Variants in SLC14A2 observed in about 807,000 individuals in gnomAD.
SLC14A2 encodes urea transporter 2.
A neutral mutation model predicts 104.6 loss-of-function variants in SLC14A2; 91 were observed. That is an observed-to-expected ratio of 0.87 (90% CI 0.73 to 1.04). The LOEUF (loss-of-function observed/expected upper bound fraction) is 1.04, where lower values mean the gene tolerates loss of function less well. SLC14A2 is among the 50% of genes least tolerant of loss of function. The pLI, the probability that SLC14A2 is intolerant of heterozygous loss-of-function variation, is 0.00. For missense variants in SLC14A2, 1,189 were observed against 1,156.0 expected, an observed-to-expected ratio of 1.03 and a Z score of -0.41; for synonymous variants, 476 against 466.4, an observed-to-expected ratio of 1.02 and a Z score of -0.27.
intron 2 of SLC14A2, among the ~76,000 whole-genome samples, chr18:45,532,729 A>G (rs960264915): frequency 2.0e-5 from 3 of 152,086 alleles, no homozygotes; most frequent in African/African-American, 7.3e-5. Flanking sequence ...AACTTCCAAC[A>G]CTATGTTGAA....
intron 2 of SLC14A2, among the ~76,000 whole-genome samples, chr18:45,550,600 C>G (rs188370309): frequency 6.7e-6 from 1 of 150,316 alleles, no homozygotes; most frequent in African/African-American, 2.4e-5. Flanking sequence ...ACCATTACCA[C>G]CTTCATTTTA....
chr18:45,181,973 A>C, the SLC14A2 span, among the ~76,000 whole-genome samples: 1 of 152,154 alleles, frequency 6.6e-6, no homozygotes, highest in Non-Finnish European at 1.5e-5. Context: ...ACTGGTTAAA[A>C]AGTTCCTAAA....
At chr18:45,268,603 A>G (rs956553151) in intron 1 of SLC14A2, among the ~76,000 whole-genome samples, 12 of 152,194 alleles carry the variant, frequency 7.9e-5, no homozygotes, top group Admixed American at 6.5e-5. Context: ...TGAAGTCTAA[A>G]TGTGTGGTAT....
intron 2 of SLC14A2, among the ~76,000 whole-genome samples, chr18:45,567,054 T>TTG (rs2044275844): frequency 4.2e-5 from 4 of 95,230 alleles, no homozygotes; most frequent in East Asian, 4.0e-4. Flanking sequence ...CATGTGCACA[T>TTG]AGTGTGTGTG....
At chr18:45,449,859 C>T (rs1011342955) in intron 1 of SLC14A2, among the ~76,000 whole-genome samples, 15 of 152,216 alleles carry the variant, frequency 9.9e-5, no homozygotes, top group Non-Finnish European at 1.6e-4. Flanking sequence ...TGTTTCTAGG[C>T]GACCAACAGA....
At chr18:45,233,158 G>A (rs1044271213) in intron 1 of SLC14A2, among the ~76,000 whole-genome samples, 1 of 152,162 alleles carries the variant, frequency 6.6e-6, no homozygotes, top group Non-Finnish European at 1.5e-5. Context: ...ATATCGGAGT[G>A]GTAGTGAGTT....
chr18:45,343,318 G>T (rs1363478069), intron 1 of SLC14A2, among the ~76,000 whole-genome samples: 2 of 152,032 alleles, frequency 1.3e-5, no homozygotes, highest in African/African-American at 4.8e-5. Context: ...GCTGCCTTGT[G>T]CCTGCCAGTA....
rs138053557 is a variant in SLC14A2, at chr18:45,326,848, T to A, written c.-125+113657T>A. Among the ~76,000 whole-genome samples the A allele has an allele frequency of 2.4e-4, 36 of 152,300 alleles. No individual in the cohort carries two copies. In the East Asian group the frequency reaches 5.2e-3, roughly 22 times the overall value. On this transcript the variant is annotated intron_variant, in intron 1 of 20. Coordinates refer to the SLC14A2 transcript ENST00000586448. ...GTTGAAGCCTCATGCCTAGACTGTA[T>A]TTTTTAGTCTAGATTTTAGTAGAGG...
intron 1 of SLC14A2, chr18:45,447,735 A>G (rs1379223857): frequency 1.3e-5 from 2 of 152,182 alleles, no homozygotes; most frequent in Non-Finnish European, 2.9e-5. Context: ...CTGTATTGCC[A>G]AGGAGGCCGA....
At chr18:45,353,949 G>A (rs1454020650) in intron 1 of SLC14A2, among the ~76,000 whole-genome samples, 1 of 152,090 alleles carries the variant, frequency 6.6e-6, no homozygotes, top group African/African-American at 2.4e-5. Flanking sequence ...AGATGTATGG[G>A]GACTCTTCCA....
At chr18:45,209,038 A>C (rs887985373), upstream of SLC14A2, among the ~76,000 whole-genome samples, 15 of 150,420 alleles carry the variant, frequency 1.0e-4, no homozygotes, top group African/African-American at 3.5e-4. Flanking sequence ...AAAAAAAAAA[A>C]AAACAACAAC....
chr18:45,534,026 G>T (rs1227943030), intron 2 of SLC14A2, among the ~76,000 whole-genome samples: 1 of 152,184 alleles, frequency 6.6e-6, no homozygotes, highest in Non-Finnish European at 1.5e-5. Context: ...CTTGTTTAGG[G>T]TTTAGGTTTT....
intron 2 of SLC14A2, among the ~76,000 whole-genome samples, chr18:45,600,613 G>A (rs780647301): frequency 1.3e-5 from 2 of 152,312 alleles, no homozygotes; most frequent in South Asian, 2.1e-4. Context: ...TCTGCACAGA[G>A]AGCAGCAGCA....
At chr18:45,281,136 A>G (rs2084758351) in intron 1 of SLC14A2, among the ~76,000 whole-genome samples, 4 of 152,138 alleles carry the variant, frequency 2.6e-5, no homozygotes, top group African/African-American at 9.7e-5. Flanking sequence ...TCTGTATCAC[A>G]AGCAGTCTTC....
Position 45,644,175 on chromosome 18 carries a change from T to G in SLC14A2, c.1351+15T>G, listed in dbSNP as rs747508343. 7 of 1,613,710 alleles carry G rather than the reference T, an allele frequency of 4.3e-6. No homozygotes were observed. The highest frequency in any genetic ancestry group is 5.9e-6 in the Non-Finnish European group (7 of 1,179,664). ...GGCCCCCAGCGGTGAATAGCCATGT[T>G]CGGGGAAGAAACGCTCTTTGCCTGA... On this transcript the variant is annotated intron_variant, in intron 10 of 19. Transcript: ENST00000255226.
chr18:45,460,697 C>T (rs2087029459), intron 1 of SLC14A2, among the ~76,000 whole-genome samples: 1 of 152,180 alleles, frequency 6.6e-6, no homozygotes, highest in African/African-American at 2.4e-5. Flanking sequence ...TACAATCCCT[C>T]TCTCCTTGGC....
rs1491244379 is a variant in SLC14A2, at chr18:45,235,832, C to CATATAT, written c.-125+22641_-125+22642insATATAT. Among the ~76,000 whole-genome samples the CATATAT allele has an allele frequency of 2.5e-4, 18 of 71,868 alleles. 2 individuals are homozygous for CATATAT. In the South Asian group the frequency reaches 3.3e-3, roughly 13 times the overall value. The allele number at this position is 71,868 out of a possible 152,430, so 47.1% of individuals were successfully genotyped here. ...GTGTGTGTATATATATATATATATA[C>CATATAT]GTGTATATATATATGTATATATACA... On this transcript the variant is annotated intron_variant, in intron 1 of 20. Transcript: ENST00000586448.
intron 1 of SLC14A2, among the ~76,000 whole-genome samples, chr18:45,219,761 C>G (rs1224423967): frequency 6.6e-6 from 1 of 151,988 alleles, no homozygotes; most frequent in Non-Finnish European, 1.5e-5. Context: ...TAAACAAGCA[C>G]CAGTGTTATT....
At chr18:45,645,288 C>G (rs1345961166) in intron 10 of SLC14A2, among the ~76,000 whole-genome samples, 3 of 152,078 alleles carry the variant, frequency 2.0e-5, no homozygotes, top group Non-Finnish European at 4.4e-5. Flanking sequence ...GTATACAGTG[C>G]TGTGATAAAC....
Sources: allele counts gnomAD v4.1 joint callset (sites outside exome capture counted in the v4.1 genomes callset), GRCh38; gene constraint gnomAD v4.1.1; transcripts MANE v1.5; gene names NCBI Gene and HGNC (gene_info 2026-07-23, HGNC 2026-07-21).